The following NIPBL variants were observed in gnomAD, a reference collection of about 807,000 sequenced individuals.
The protein encoded by NIPBL is nipped-B-like protein.
A neutral mutation model predicts 321.8 loss-of-function variants in NIPBL; 19 were observed. The observed-to-expected ratio is 0.06, with a 90% CI of 0.04 to 0.09. The LOEUF is 0.09. Among genes scored for constraint, NIPBL ranks in the 10% least tolerant of loss-of-function variants. The probability of loss-of-function intolerance (pLI) is 1.00; values close to 1 mark genes in which losing one functional copy is unlikely to be tolerated. For synonymous variants in NIPBL, 1,106 were observed against 1,114.1 expected, an observed-to-expected ratio of 0.99 and a Z score of 0.14; for missense variants, 2,210 against 3,327.0, an observed-to-expected ratio of 0.66 and a Z score of 8.26.
At chr5:37,021,637 C>T (rs1273375807) in intron 27 of NIPBL, among the ~76,000 whole-genome samples, 2 of 151,044 alleles carry the variant, frequency 1.3e-5, no homozygotes, top group Non-Finnish European at 3.0e-5. Flanking sequence ...GCCGAGATTG[C>T]GCCACTGCAC....
rs565162338 is a variant in NIPBL, at chr5:36,921,099, G to A, written c.-79-32519G>A. The stretch of plus-strand genomic sequence containing the variant: ...TCTAGTTTTCTTAGCTAATTTTTAA[G>A]CGTCTCCCCATTCCTCCAGATCCAC... On this transcript the variant is annotated intron_variant, in intron 1 of 46. Coordinates refer to ENST00000282516, the MANE Select transcript of NIPBL (RefSeq NM_133433.4). Among the ~76,000 whole-genome samples the A allele has an allele frequency of 2.0e-5, 3 of 151,454 alleles. No homozygotes were observed. The South Asian group carries it at 6.3e-4, about 32-fold the overall frequency.
chr5:36,960,706 A>G (rs886650338), intron 4 of NIPBL, among the ~76,000 whole-genome samples: 1 of 152,200 alleles, frequency 6.6e-6, no homozygotes, highest in Non-Finnish European at 1.5e-5. Flanking sequence ...GGCTATAGAA[A>G]TCATAAGAAA....
chr5:36,999,364 G>C (rs1004742482), intron 11 of NIPBL, among the ~76,000 whole-genome samples: 20 of 152,288 alleles, frequency 1.3e-4, no homozygotes, highest in Non-Finnish European at 2.6e-4. Flanking sequence ...ACCAGTATAT[G>C]ATTTCAAGGT....
chr5:37,036,786 G>T (rs1237668038), intron 33 of NIPBL, among the ~76,000 whole-genome samples: 2 of 150,798 alleles, frequency 1.3e-5, no homozygotes, highest in South Asian at 2.1e-4. Flanking sequence ...AAAATCCAGG[G>T]GCTAATATGT....
At chr5:37,061,097 A>G (rs1396768802) in intron 45 of NIPBL, 79 bp downstream of exon 45, 1 of 1,002,292 alleles carries the variant, frequency 1.0e-6, no homozygotes, top group African/African-American at 1.6e-5. Context: ...GTGGGGAGAT[A>G]ACTATCTCCT....
At chr5:37,064,219 G>C in intron 46 of NIPBL, 5 of 1,391,656 alleles carry the variant, frequency 3.6e-6, no homozygotes, top group Non-Finnish European at 4.7e-6. Context: ...ATTTTTCTTT[G>C]AATTGTATTA....
chr5:36,944,168 G>C (rs941308509), intron 1 of NIPBL, among the ~76,000 whole-genome samples: 25 of 151,992 alleles, frequency 1.6e-4, no homozygotes, highest in African/African-American at 5.8e-4. Context: ...ACAATTATTT[G>C]CATATATATG....
At chr5:36,890,556 A>T (rs1437004364) in intron 1 of NIPBL, among the ~76,000 whole-genome samples, 4 of 152,146 alleles carry the variant, frequency 2.6e-5, no homozygotes, top group Non-Finnish European at 5.9e-5. Flanking sequence ...CTTGATGATA[A>T]ACAGTTGTGG....
At chr5:36,957,651 A>G (rs1039204230) in intron 3 of NIPBL, among the ~76,000 whole-genome samples, 1 of 152,114 alleles carries the variant, frequency 6.6e-6, no homozygotes, top group East Asian at 1.9e-4. Context: ...GTTATTTTTG[A>G]TAATTATATT....
At chr5:37,016,895 TCA>T in intron 23 of NIPBL, 122 bp from the exon 24 acceptor site, 1 of 711,248 alleles carries the variant, frequency 1.4e-6, no homozygotes, top group South Asian at 2.6e-5. Flanking sequence ...TGGGACAATA[TCA>T]CAGGAAAAAA....
Position 36,948,943 on chromosome 5 carries a change from T to C in NIPBL, c.-79-4675T>C, listed in dbSNP as rs183963627. ...TGGATGTTTCAATCAACCCGTAAAA[T>C]AATATTTAAAAAAGAATGAGACATC... On this transcript the variant is annotated intron_variant, in intron 1 of 46. Coordinates refer to ENST00000282516, the MANE Select transcript of NIPBL (RefSeq NM_133433.4). Among the ~76,000 whole-genome samples the C allele has an allele frequency of 5.8e-3, 883 of 151,908 alleles. 5 individuals are homozygous for C. Among genetic ancestry groups the C allele is most frequent in the Middle Eastern group, 0.02 (6 of 294 alleles).
intron 2 of NIPBL, 100 bp from the exon 3 acceptor site, chr5:36,955,372 T>C: frequency 2.0e-6 from 2 of 1,002,126 alleles, no homozygotes; most frequent in Non-Finnish European, 3.1e-6. Context: ...ATTTGTCACA[T>C]TGATATTTAT....
At chr5:37,064,319 C>G in intron 46 of NIPBL, 1 of 1,423,672 alleles carries the variant, frequency 7.0e-7, no homozygotes, top group Non-Finnish European at 9.1e-7. Flanking sequence ...AGTAAAGACA[C>G]GGGTACAAAT....
Position 36,984,808 on chromosome 5 carries a change from T to C in NIPBL, c.1628T>C (p.Ile543Thr), listed in dbSNP as rs2149643197. 3 of 1,613,902 alleles carry C rather than the reference T, an allele frequency of 1.9e-6. No homozygotes were observed. Among genetic ancestry groups the C allele is most frequent in the Non-Finnish European group, 2.5e-6 (3 of 1,179,866 alleles). The change falls in exon 10 of 47, where the codon ATT (isoleucine) becomes ACT (threonine). Residue 543 changes from isoleucine (I) to threonine (T), a missense_variant. Transcript: ENST00000282516. ...NGSRPALMVS[I>T]DLHQAGRVDS... The stretch of plus-strand genomic sequence containing the variant: ...TCAAGGCCAGCATTAATGGTTAGCA[T>C]TGATCTTCATCAGGCAGGAAGAGTG...
At chr5:36,877,776 T>C (rs1745207089) in intron 1 of NIPBL, among the ~76,000 whole-genome samples, 1 of 152,214 alleles carries the variant, frequency 6.6e-6, no homozygotes, top group African/African-American at 2.4e-5. Flanking sequence ...TGTTTGGACG[T>C]TGGAAAGTTC....
chr5:36,972,260 T>C (rs1026306841), intron 8 of NIPBL, among the ~76,000 whole-genome samples: 3 of 152,164 alleles, frequency 2.0e-5, no homozygotes, highest in Admixed American at 6.5e-5. Flanking sequence ...CTGTTGATAG[T>C]ATTCTCGGAT....
chr5:37,038,084 G>C (rs1384857413), intron 33 of NIPBL, among the ~76,000 whole-genome samples: 2 of 151,284 alleles, frequency 1.3e-5, no homozygotes, highest in Non-Finnish European at 2.9e-5. Context: ...AGAACTCCTG[G>C]GCTGAAGCAA....
intron 4 of NIPBL, among the ~76,000 whole-genome samples, chr5:36,958,872 A>G (rs1741279987): frequency 6.6e-6 from 1 of 152,178 alleles, no homozygotes; most frequent in Admixed American, 6.5e-5. Context: ...AGCTTGGACA[A>G]CTTCAGAAAG....
chr5:36,971,734 C>G, intron 7 of NIPBL: 1 of 862,984 alleles, frequency 1.2e-6, no homozygotes, highest in Non-Finnish European at 1.4e-6. Context: ...TTTTCTTATT[C>G]ATTGCCATGC....
Sources: gnomAD v4.1 joint callset for allele counts (sites outside exome capture counted in the v4.1 genomes callset) on GRCh38, gnomAD v4.1.1 for gene constraint, MANE v1.5 for transcripts, NCBI Gene and HGNC (gene_info 2026-07-23, HGNC 2026-07-21) for gene names.